The following CCDC77 variants were observed in gnomAD, a reference collection of about 807,000 sequenced individuals.
The protein encoded by CCDC77 is coiled-coil domain containing 77.
In CCDC77, 56 loss-of-function variants were observed where a neutral mutation model predicts 66.8. The observed-to-expected ratio is 0.84, with a 90% CI of 0.68 to 1.05. CCDC77 has a LOEUF of 1.05. Ranked by LOEUF, CCDC77 falls within the 50% of genes least tolerant of loss-of-function variation. The probability of loss-of-function intolerance (pLI) is 0.00; values close to 1 mark genes in which losing one functional copy is unlikely to be tolerated. For synonymous variants in CCDC77, 196 were observed against 195.2 expected, an observed-to-expected ratio of 1.00 and a Z score of -0.03; for missense variants, 570 against 576.8, an observed-to-expected ratio of 0.99 and a Z score of 0.12.
At chr12:433,768 A>T (rs1206055680) in intron 9 of CCDC77, among the ~76,000 whole-genome samples, 2 of 152,034 alleles carry the variant, frequency 1.3e-5, no homozygotes, top group Non-Finnish European at 1.5e-5. Flanking sequence ...TTACATATCT[A>T]AAAAAAACTG....
Position 425,891 on chromosome 12 carries a change from G to A in CCDC77, c.414-2878G>A, listed in dbSNP as rs150358511. 5.5e-3 allele frequency among the ~76,000 whole-genome samples: 833 copies of A among 152,154 alleles called. 12 individuals carry two copies. The highest frequency in any genetic ancestry group is 0.019 in the African/African-American group (776 of 41,500). On this transcript the variant is annotated intron_variant, in intron 5 of 12. Transcript: ENST00000239830. ...TTTGTTTGTTTGTTTTTGAGATGGC[G>A]TCTCAGTCTGTCACCCAGGCTGGAG...
At chr12:441,527 C>G (rs1356031815) in intron 12 of CCDC77, among the ~76,000 whole-genome samples, 2 of 152,138 alleles carry the variant, frequency 1.3e-5, no homozygotes, top group Admixed American at 1.3e-4. Flanking sequence ...CTCTCTTACT[C>G]CTCTTTCATG....
intron 1 of CCDC77, among the ~76,000 whole-genome samples, chr12:390,736 A>AACACAC (rs58938735): frequency 0.015 from 2,177 of 149,436 alleles, 32 homozygotes; most frequent in East Asian, 0.046. Flanking sequence ...TATCTTTATA[A>AACACAC]ACACACACAC....
At chr12:394,544 G>A (rs1944802032) in intron 1 of CCDC77, among the ~76,000 whole-genome samples, 1 of 152,172 alleles carries the variant, frequency 6.6e-6, no homozygotes, top group Admixed American at 6.6e-5. Context: ...TAGCATCTTA[G>A]TATTACCACG....
intron 7 of CCDC77, 120 bp downstream of exon 7, chr12:430,856 A>G: frequency 1.3e-6 from 1 of 753,530 alleles, no homozygotes; most frequent in South Asian, 1.4e-5. Context: ...AGGTTGGTGG[A>G]TCACCTGAGG....
At chr12:409,857 G>A (rs1164647925) in intron 3 of CCDC77, 3 of 156,036 alleles carry the variant, frequency 1.9e-5, no homozygotes, top group Non-Finnish European at 2.8e-5. Context: ...AATTAACTGG[G>A]CATGGTGGTG....
At chr12:415,666 C>G (rs1945241234) in intron 4 of CCDC77, among the ~76,000 whole-genome samples, 2 of 151,314 alleles carry the variant, frequency 1.3e-5, no homozygotes, top group Non-Finnish European at 2.9e-5. Context: ...AGGGTCTTGC[C>G]CTGTTGCCCA....
intron 3 of CCDC77, among the ~76,000 whole-genome samples, chr12:411,330 C>T (rs1945105288): frequency 6.6e-6 from 1 of 151,820 alleles, no homozygotes; most frequent in African/African-American, 2.4e-5. Flanking sequence ...TGCACTGCCA[C>T]ACCCATCTCA....
Position 411,019 on chromosome 12 carries a change from C to T in CCDC77, c.39-728C>T, listed in dbSNP as rs369289965. On this transcript the variant is annotated intron_variant, in intron 3 of 12. Coordinates refer to ENST00000239830, the MANE Select transcript of CCDC77 (RefSeq NM_032358.4). ...ACTGGAACTCCTAGGCTCAAGCGAT[C>T]CTCCCACCTCAGCCCCCTGAGTAGC... Among the ~76,000 whole-genome samples, 203 of 151,808 alleles carry T rather than the reference C, an allele frequency of 1.3e-3. 4 individuals are homozygous for T. The South Asian group carries it at 0.026, about 20-fold the overall frequency.
chr12:410,309 C>G (rs1945082228), intron 3 of CCDC77, among the ~76,000 whole-genome samples: 1 of 151,418 alleles, frequency 6.6e-6, no homozygotes, highest in South Asian at 2.1e-4. Flanking sequence ...CTCTTGTTGC[C>G]CAGGCTGGAG....
chr12:436,905 C>G (rs2137618097), intron 9 of CCDC77: 2 of 241,792 alleles, frequency 8.3e-6, no homozygotes, highest in South Asian at 3.1e-4. Context: ...TAATGTAAGA[C>G]AGAATAAAAT....
intron 5 of CCDC77, among the ~76,000 whole-genome samples, chr12:427,492 T>C (rs1439010883): frequency 2.4e-5 from 3 of 126,698 alleles, no homozygotes; most frequent in Non-Finnish European, 3.5e-5. Flanking sequence ...TTTTTTTTTT[T>C]GAGACAGAGT....
chr12:412,055 A>G, intron 4 of CCDC77, 77 bp downstream of exon 4: 1 of 1,042,036 alleles, frequency 9.6e-7, no homozygotes, highest in Non-Finnish European at 1.4e-6. Context: ...GTGCCAGTTT[A>G]TATCAGAAGC....
At chr12:433,114 T>G in intron 8 of CCDC77, 60 bp from the exon 9 acceptor site, 6 of 1,523,204 alleles carry the variant, frequency 3.9e-6, no homozygotes, top group Non-Finnish European at 5.3e-6. Context: ...TCACTTTTCC[T>G]AGAGGTATGA....
intron 5 of CCDC77, among the ~76,000 whole-genome samples, chr12:427,475 ATT>A (rs71045060): frequency 0.041 from 5,263 of 127,584 alleles, 258 homozygotes; most frequent in African/African-American, 0.14. Context: ...TAATTAATTA[ATT>A]TTTTTTTTTT....
Position 426,515 on chromosome 12 carries a change from C to T in CCDC77, c.414-2254C>T, listed in dbSNP as rs376870720. ...CTGCATTCTTTAGGTCTTTATTGATCGTCTTGACTGGGTAGGGAGGGGCAG... is the reference window on the plus strand; with the variant it reads ...CTGCATTCTTTAGGTCTTTATTGATTGTCTTGACTGGGTAGGGAGGGGCAG... On this transcript the variant is annotated intron_variant, in intron 5 of 12. Coordinates refer to ENST00000239830, the MANE Select transcript of CCDC77 (RefSeq NM_032358.4). Among the ~76,000 whole-genome samples the T allele has an allele frequency of 1.3e-3, 200 of 152,222 alleles. 1 individual carries two copies. The Middle Eastern group carries it at 0.027, about 21-fold the overall frequency.
intron 9 of CCDC77, among the ~76,000 whole-genome samples, chr12:433,804 C>T (rs1406088282): frequency 6.6e-6 from 1 of 152,152 alleles, no homozygotes; most frequent in Non-Finnish European, 1.5e-5. Context: ...AATCAGAACT[C>T]TGCCGGTGCT....
chr12:431,362 G>C (rs1945649126), intron 7 of CCDC77, among the ~76,000 whole-genome samples: 1 of 151,916 alleles, frequency 6.6e-6, no homozygotes, highest in Admixed American at 6.6e-5. Flanking sequence ...AGGACGACAG[G>C]CATATGCCAC....
chr12:431,904 A>G lies in CCDC77; in HGVS notation c.622A>G (p.Lys208Glu), dbSNP rs1945659692. The part of the protein sequence containing the change: ...ISKRRPSRER[K>E]ESSEHYQRDI... ...CAAAAGAAGACCATCGAGAGAGAGAAAAGAAAGTTCTGAGCATTACCAAAG... is the reference window on the plus strand; with the variant it reads ...CAAAAGAAGACCATCGAGAGAGAGAGAAGAAAGTTCTGAGCATTACCAAAG... Residue 208 changes from lysine to glutamate, a missense_variant, in exon 8 of 13, where the codon AAA becomes GAA. Lys to Glu is a moderately conservative substitution (Grantham distance 56, BLOSUM62 1). Coordinates refer to ENST00000239830, the MANE Select transcript of CCDC77 (RefSeq NM_032358.4). 1.2e-6 allele frequency: 2 copies of G among 1,612,364 alleles called. No individual in the cohort carries two copies. The highest frequency in any genetic ancestry group is 1.3e-5 in the African/African-American group (1 of 74,742).
Sources: gnomAD v4.1 joint callset for allele counts (sites outside exome capture counted in the v4.1 genomes callset) on GRCh38, gnomAD v4.1.1 for gene constraint, MANE v1.5 for transcripts, NCBI Gene and HGNC (gene_info 2026-07-23, HGNC 2026-07-21) for gene names.